ABCB11: variants seen among roughly 807,000 people sequenced by gnomAD.
ABCB11 encodes ATP binding cassette subfamily B member 11.
Under a neutral mutation model 148.0 loss-of-function variants are expected in ABCB11, and 95 were observed. That is an observed-to-expected ratio of 0.64 (90% CI 0.54 to 0.76). ABCB11 has a LOEUF of 0.76. ABCB11 is among the 30% of genes least tolerant of loss of function. ABCB11 has a pLI of 0.00. For synonymous variants in ABCB11, 591 were observed against 555.4 expected (o/e 1.06, Z -0.90); for missense variants, 1,523 against 1,617.8 (o/e 0.94, Z 1.01).
At position 168,945,748 on chromosome 2, in the gene ABCB11, T is replaced by C. The variant is rs187773063; in HGVS notation, c.2344-787A>G. Among the ~76,000 whole-genome samples, 8 of 152,024 alleles carry C rather than the reference T, an allele frequency of 5.3e-5. No individual in the cohort carries two copies. The East Asian group carries it at 1.4e-3, about 26-fold the overall frequency. ...TTGTATTAATATTTTGACCGATATC[T>C]TTCTCTATTACTAAATGAAAGAAAA... On this transcript the variant is annotated intron_variant, in intron 19 of 27. Coordinates refer to ENST00000650372, the MANE Select transcript of ABCB11 (RefSeq NM_003742.4).
intron 17 of ABCB11, among the ~76,000 whole-genome samples, chr2:168,964,860 C>T (rs1459925517): frequency 6.6e-6 from 1 of 151,784 alleles, no homozygotes; most frequent in Non-Finnish European, 1.5e-5. Context: ...TAATTTAGCT[C>T]AATGTGTTCA....
At chr2:168,998,723 C>G (rs2106020133) in intron 5 of ABCB11, among the ~76,000 whole-genome samples, 1 of 152,184 alleles carries the variant, frequency 6.6e-6, no homozygotes, top group East Asian at 1.9e-4. Context: ...TGGGCACTGG[C>G]CCAGCTCTGG....
chr2:168,985,329 A>G (rs1327711652), intron 10 of ABCB11, among the ~76,000 whole-genome samples: 1 of 152,156 alleles, frequency 6.6e-6, no homozygotes, highest in East Asian at 1.9e-4. Context: ...ACTATGGAAA[A>G]CAGTATGGAA....
In ABCB11 at chr2:168,970,194, C is replaced by G. The variant is rs1470545398; in HGVS notation, c.1660G>C (p.Glu554Gln). 6.2e-7 allele frequency: 1 copy of G among 1,612,016 alleles called. No homozygotes were observed. The highest frequency in any genetic ancestry group is 1.3e-5 in the African/African-American group (1 of 74,808). Residue 554 changes from glutamate to glutamine, a missense_variant, in exon 15 of 28, where the codon GAA becomes CAA. Glu to Gln is a conservative substitution (Grantham distance 29). Transcript: ENST00000650372. ...LPQQFDTLVG[E>Q]GGGQMSGGQK... Reference sequence around the variant, plus strand: ...CCACCACTCATCTGGCCTCCTCCTTCTCCAACAAGGGTGTCAAATTGCTAG... The same window carrying G: ...CCACCACTCATCTGGCCTCCTCCTTGTCCAACAAGGGTGTCAAATTGCTAG...
At chr2:168,998,116 T>A (rs903772219) in intron 5 of ABCB11, among the ~76,000 whole-genome samples, 3 of 152,054 alleles carry the variant, frequency 2.0e-5, no homozygotes, top group Non-Finnish European at 4.4e-5. Flanking sequence ...GAGGCTCTTA[T>A]AAAAGCTAAA....
At chr2:168,999,249 T>A (rs569061399) in intron 5 of ABCB11, among the ~76,000 whole-genome samples, 1 of 151,928 alleles carries the variant, frequency 6.6e-6, no homozygotes, top group Non-Finnish European at 1.5e-5. Flanking sequence ...CTTTTTTGTT[T>A]CTTTTTACCT....
At chr2:169,014,228 A>T in intron 4 of ABCB11, 75 bp downstream of exon 4, 13 of 1,403,050 alleles carry the variant, frequency 9.3e-6, no homozygotes, top group Middle Eastern at 1.8e-4. Flanking sequence ...ATGACTAAAG[A>T]TTTAACACTC....
chr2:169,026,575 G>A (rs1199424575), intron 1 of ABCB11, among the ~76,000 whole-genome samples: 2 of 152,172 alleles, frequency 1.3e-5, no homozygotes, highest in African/African-American at 4.8e-5. Flanking sequence ...CCTTGCCTGT[G>A]ATATTTGCCA....
chr2:168,927,017 G>A, intron 26 of ABCB11, 139 bp downstream of exon 26: 2 of 743,614 alleles, frequency 2.7e-6, no homozygotes, highest in East Asian at 5.0e-5. Context: ...GAATCATGTT[G>A]GCATTCAAAA....
chr2:168,927,528 T>C (rs147161223), intron 25 of ABCB11, among the ~76,000 whole-genome samples, 166 bp from the exon 26 acceptor site: 1 of 152,228 alleles, frequency 6.6e-6, no homozygotes, highest in Non-Finnish European at 1.5e-5. Context: ...GACCTCTGGA[T>C]GTAATGTCTA....
At chr2:168,956,405 A>G (rs1402081451) in intron 19 of ABCB11, among the ~76,000 whole-genome samples, 2 of 151,658 alleles carry the variant, frequency 1.3e-5, no homozygotes, top group East Asian at 2.0e-4. Context: ...CATGTTTCCT[A>G]TGTTCTTCCA....
intron 1 of ABCB11, among the ~76,000 whole-genome samples, chr2:169,019,526 C>T (rs1695477136): frequency 6.6e-6 from 1 of 152,156 alleles, no homozygotes; most frequent in Admixed American, 6.6e-5. Context: ...CTACAGTTGG[C>T]TTGCAGAACT....
chr2:168,938,434 C>T (rs529326998), intron 21 of ABCB11, among the ~76,000 whole-genome samples: 2 of 152,268 alleles, frequency 1.3e-5, no homozygotes, highest in South Asian at 4.2e-4. Context: ...AGGATAAATT[C>T]ATATGATTCC....
intron 14 of ABCB11, 129 bp downstream of exon 14, chr2:168,971,718 A>G (rs771498689): frequency 8.4e-6 from 7 of 836,828 alleles, no homozygotes; most frequent in Non-Finnish European, 1.3e-5. Context: ...TTTTTCAGGC[A>G]TGAAACTAAA....
At chr2:168,949,774 G>C (rs1692475942) in intron 19 of ABCB11, among the ~76,000 whole-genome samples, 1 of 151,554 alleles carries the variant, frequency 6.6e-6, no homozygotes, top group African/African-American at 2.4e-5. Flanking sequence ...CCCTGGGTGA[G>C]TCTGTGAGGG....
chr2:168,974,766 A>G (rs934705375), intron 12 of ABCB11, among the ~76,000 whole-genome samples: 2 of 151,900 alleles, frequency 1.3e-5, no homozygotes, highest in African/African-American at 2.4e-5. Context: ...CACCATTGTA[A>G]TATAAGTTTT....
intron 25 of ABCB11, among the ~76,000 whole-genome samples, chr2:168,928,174 G>GA (rs751858878): frequency 2.0e-5 from 3 of 152,104 alleles, no homozygotes; most frequent in Non-Finnish European, 2.9e-5. Context: ...AACACTATTA[G>GA]AAAAAATATA....
At chr2:168,969,946 A>G (rs1693498283) in intron 15 of ABCB11, 99 bp downstream of exon 15, 2 of 1,040,080 alleles carry the variant, frequency 1.9e-6, no homozygotes, top group Admixed American at 3.5e-5. Flanking sequence ...TGTAGTATCA[A>G]CTACTCCCAT....
intron 5 of ABCB11, among the ~76,000 whole-genome samples, chr2:169,007,677 C>A (rs1250527527): frequency 6.6e-6 from 1 of 152,044 alleles, no homozygotes; most frequent in Non-Finnish European, 1.5e-5. Context: ...TAGACATCAC[C>A]AAAATTAAAC....
Sources: allele counts gnomAD v4.1 joint callset (sites outside exome capture counted in the v4.1 genomes callset), GRCh38; gene constraint gnomAD v4.1.1; transcripts MANE v1.5; gene names NCBI Gene and HGNC (gene_info 2026-07-23, HGNC 2026-07-21).